CNTN5: variants seen among roughly 807,000 people sequenced by gnomAD.
The protein encoded by CNTN5 is contactin-5.
In CNTN5, 77 loss-of-function variants were observed where a neutral mutation model predicts 129.1. The ratio of observed to expected loss-of-function variants is 0.60; its 90% CI spans 0.50 to 0.72. CNTN5 has a LOEUF of 0.72. CNTN5 is among the 30% of genes least tolerant of loss of function. The pLI is 0.00. For synonymous variants in CNTN5, 509 were observed against 465.6 expected, an observed-to-expected ratio of 1.09 and a Z score of -1.20; for missense variants, 1,478 against 1,328.8, an observed-to-expected ratio of 1.11 and a Z score of -1.75.
At chr11:99,904,560 G>A (rs1949446398) in intron 6 of CNTN5, among the ~76,000 whole-genome samples, 1 of 152,148 alleles carries the variant, frequency 6.6e-6, no homozygotes, top group Admixed American at 6.5e-5. Context: ...ATTTGAGCTA[G>A]TTCCAAGTCT....
intron 8 of CNTN5, among the ~76,000 whole-genome samples, chr11:99,982,770 A>G (rs1938428490): frequency 6.6e-6 from 1 of 152,088 alleles, no homozygotes. Flanking sequence ...CCTCCCGAGT[A>G]GGTGGGACTA....
At chr11:99,242,082 A>T (rs73532977) in intron 1 of CNTN5, among the ~76,000 whole-genome samples, 2,599 of 152,308 alleles carry the variant, frequency 0.017, 88 homozygotes, top group African/African-American at 0.06. Context: ...ATTTAAATCC[A>T]TTCAAAATAA....
chr11:99,805,970 AT>A (rs1946256437), intron 3 of CNTN5, among the ~76,000 whole-genome samples: 1 of 152,208 alleles, frequency 6.6e-6, no homozygotes, highest in South Asian at 2.1e-4. Flanking sequence ...GTAAAGAAAT[AT>A]TTGGACAGCA....
chr11:100,019,185 A>G (rs1202936079), intron 9 of CNTN5, among the ~76,000 whole-genome samples: 1 of 151,888 alleles, frequency 6.6e-6, no homozygotes, highest in Non-Finnish European at 1.5e-5. Flanking sequence ...GTGGGGATTG[A>G]GATTTTAGTG....
intron 13 of CNTN5, among the ~76,000 whole-genome samples, chr11:100,183,093 A>C (rs1199499422): frequency 6.6e-6 from 1 of 152,124 alleles, no homozygotes; most frequent in Non-Finnish European, 1.5e-5. Flanking sequence ...TGATAGCTAA[A>C]ATAAAATAGA....
chr11:100,089,759 G>A (rs1944686216), intron 13 of CNTN5, among the ~76,000 whole-genome samples: 1 of 152,120 alleles, frequency 6.6e-6, no homozygotes, highest in African/African-American at 2.4e-5. Flanking sequence ...CGTTGATGGA[G>A]CTGGAAGCCA....
chr11:99,903,361 T>G (rs1179226848), intron 6 of CNTN5, among the ~76,000 whole-genome samples: 1 of 151,780 alleles, frequency 6.6e-6, no homozygotes, highest in East Asian at 2.0e-4. Flanking sequence ...AAACTAAAAA[T>G]TCAAAACAGT....
chr11:99,855,133 C>A (rs529369317), intron 6 of CNTN5, among the ~76,000 whole-genome samples: 1 of 152,040 alleles, frequency 6.6e-6, no homozygotes, highest in East Asian at 1.9e-4. Context: ...ATATGGCAAG[C>A]CCTCATCTCT....
chr11:99,202,990 A>G (rs930368022), intron 1 of CNTN5, among the ~76,000 whole-genome samples: 1 of 151,870 alleles, frequency 6.6e-6, no homozygotes, highest in Non-Finnish European at 1.5e-5. Flanking sequence ...GAATGAAAGA[A>G]AGAGAGAGAA....
At chr11:99,940,032 G>A (rs1408490885) in intron 7 of CNTN5, among the ~76,000 whole-genome samples, 2 of 152,084 alleles carry the variant, frequency 1.3e-5, no homozygotes, top group African/African-American at 4.8e-5. Context: ...TTACCGTCAG[G>A]ATACATTTGG....
intron 1 of CNTN5, among the ~76,000 whole-genome samples, chr11:99,248,753 T>C (rs1861948469): frequency 6.6e-6 from 1 of 152,180 alleles, no homozygotes; most frequent in Non-Finnish European, 1.5e-5. Flanking sequence ...TTTGTCAGGT[T>C]TGTCAAAGAT....
At chr11:99,811,373 C>A (rs985696026) in intron 3 of CNTN5, among the ~76,000 whole-genome samples, 22 of 151,120 alleles carry the variant, frequency 1.5e-4, no homozygotes, top group Admixed American at 6.6e-5. Flanking sequence ...ATCATATTGA[C>A]ATTTTATTTT....
chr11:99,573,469 C>T (rs1034739684), intron 3 of CNTN5, among the ~76,000 whole-genome samples: 3 of 151,778 alleles, frequency 2.0e-5, no homozygotes, highest in Non-Finnish European at 2.9e-5. Context: ...ATTCGGGAGG[C>T]TGAGGCAGGA....
intron 9 of CNTN5, among the ~76,000 whole-genome samples, chr11:100,046,407 A>G (rs1942680225): frequency 6.6e-6 from 1 of 152,266 alleles, no homozygotes; most frequent in South Asian, 2.1e-4. Flanking sequence ...TGTGTTCATA[A>G]TCTTTGTGAT....
intron 3 of CNTN5, among the ~76,000 whole-genome samples, chr11:99,790,485 C>G (rs1306656538): frequency 4.6e-5 from 7 of 152,070 alleles, no homozygotes; most frequent in African/African-American, 1.4e-4. Flanking sequence ...ATCCACATTG[C>G]TACAAAAGAC....
intron 1 of CNTN5, among the ~76,000 whole-genome samples, chr11:99,125,367 A>C (rs989459116): frequency 2.0e-5 from 3 of 151,552 alleles, no homozygotes; most frequent in Admixed American, 2.0e-4. Flanking sequence ...AGATTATTTC[A>C]GTAGGTGCAA....
At chr11:100,208,726 T>C (rs1173494789) in intron 15 of CNTN5, among the ~76,000 whole-genome samples, 2 of 152,194 alleles carry the variant, frequency 1.3e-5, no homozygotes, top group Non-Finnish European at 2.9e-5. Flanking sequence ...CACAGAAGTC[T>C]CATTCAATCA....
chr11:100,034,896 C>T (rs1468616396), intron 9 of CNTN5, among the ~76,000 whole-genome samples: 3 of 152,162 alleles, frequency 2.0e-5, no homozygotes. Context: ...TTACCCTTGT[C>T]TTCCTCTTCA....
rs568541238 is a variant in CNTN5 at position 99,327,793 on chromosome 11, G to C, written c.-71+2309G>C. 1.2e-4 allele frequency among the ~76,000 whole-genome samples: 19 copies of C among 152,240 alleles called. No individual in the cohort carries two copies. The South Asian group carries it at 2.3e-3, about 18-fold the overall frequency. On this transcript the variant is annotated intron_variant, in intron 2 of 24. Coordinates refer to ENST00000524871, the MANE Select transcript of CNTN5 (RefSeq NM_014361.4). ...GTTTCATCTTGACACAACCAACTCA[G>C]TTCCTGCCATAATAAGAGGCAATAT... is the stretch of plus-strand genomic sequence containing the variant.
Sources: allele counts gnomAD v4.1 joint callset (sites outside exome capture counted in the v4.1 genomes callset), GRCh38; gene constraint gnomAD v4.1.1; transcripts MANE v1.5; gene names NCBI Gene and HGNC (gene_info 2026-07-23, HGNC 2026-07-21).